SERPINF1: variants seen among roughly 807,000 people sequenced by gnomAD.
SERPINF1 encodes pigment epithelium-derived factor.
SERPINF1 carries 29 observed loss-of-function variants against 37.3 expected under a neutral mutation model. The ratio of observed to expected loss-of-function variants is 0.78; its 90% CI spans 0.58 to 1.06. The LOEUF (loss-of-function observed/expected upper bound fraction) is 1.06. SERPINF1 is among the 50% of genes least tolerant of loss of function. The pLI is 0.00. For missense variants in SERPINF1, 553 were observed against 532.2 expected (o/e 1.04, Z -0.38); for synonymous variants, 281 against 227.9 (o/e 1.23, Z -2.10).
chr17:1,765,972 G>T (rs1400700352), intron 1 of SERPINF1, among the ~76,000 whole-genome samples: 2 of 152,178 alleles, frequency 1.3e-5, no homozygotes, highest in African/African-American at 4.8e-5. Flanking sequence ...GGGAACTGTG[G>T]GAGAAGGGAA....
At chr17:1,766,625 CCT>C in intron 1 of SERPINF1, 1 of 323,330 alleles carries the variant, frequency 3.1e-6, no homozygotes, top group South Asian at 1.3e-4. Context: ...AGGAGGGTCC[CCT>C]GACGCAGACA....
chr17:1,768,928 C>T (rs925121561), intron 2 of SERPINF1, among the ~76,000 whole-genome samples: 2 of 152,000 alleles, frequency 1.3e-5, no homozygotes, highest in South Asian at 4.2e-4. Context: ...GCCTCAGCCT[C>T]CTGAGTAGCT....
intron 2 of SERPINF1, among the ~76,000 whole-genome samples, chr17:1,767,302 C>A (rs1034701321): frequency 2.6e-5 from 4 of 152,146 alleles, no homozygotes; most frequent in Admixed American, 6.6e-5. Flanking sequence ...ACCACCAAGC[C>A]CGGCTCATTT....
chr17:1,774,990 G>T, intron 5 of SERPINF1, 68 bp from the exon 6 acceptor site: 1 of 1,603,888 alleles, frequency 6.2e-7, no homozygotes, highest in African/African-American at 1.3e-5. Context: ...GTGCTCTGGG[G>T]ACACAGCATG....
chr17:1,766,779 G>A (rs1907404533), intron 1 of SERPINF1, 124 bp from the exon 2 acceptor site: 2 of 881,812 alleles, frequency 2.3e-6, no homozygotes, highest in East Asian at 5.3e-5. Context: ...GGTCGCTGCA[G>A]GGGGTGGGGG....
In SERPINF1 at chr17:1,777,231, G is replaced by A. The variant is rs1200013388; in HGVS notation, c.1042G>A (p.Gly348Ser). Residue 348 changes from glycine (G) to serine (S), a missense_variant, in exon 8 of 8, where the codon GGC (glycine) becomes AGC (serine). Physicochemically the swap from Gly to Ser is moderately conservative, Grantham distance 56 (BLOSUM62 0). Coordinates refer to ENST00000254722, the MANE Select transcript of SERPINF1 (RefSeq NM_002615.7). ...TTCACCAGACTTTAGCAAGATCACA[G>A]GCAAACCCATCAAGCTGACTCAGGT... ...FDSPDFSKITGKPIKLTQVEH... is the reference protein window; with the variant it reads ...FDSPDFSKITSKPIKLTQVEH... The A allele has an allele frequency of 2.5e-6, 4 of 1,614,016 alleles. No individual in the cohort carries two copies. The highest frequency in any genetic ancestry group is 3.4e-6 in the Non-Finnish European group (4 of 1,180,040).
chr17:1,776,474 T>C, intron 6 of SERPINF1, 58 bp from the exon 7 acceptor site: 1 of 1,534,268 alleles, frequency 6.5e-7, no homozygotes, highest in Non-Finnish European at 9.0e-7. Context: ...CCTGGCTGTG[T>C]CTGTCCCCGG....
intron 1 of SERPINF1, among the ~76,000 whole-genome samples, chr17:1,763,759 C>T (rs1907221432): frequency 2.0e-5 from 3 of 152,262 alleles, no homozygotes; most frequent in Non-Finnish European, 4.4e-5. Flanking sequence ...GGCTCCCTCA[C>T]CTCACCTCAG....
chr17:1,776,492 G>C (rs139903894), intron 6 of SERPINF1, 40 bp from the exon 7 acceptor site: 1 of 1,599,240 alleles, frequency 6.3e-7, no homozygotes, highest in Non-Finnish European at 8.6e-7. Context: ...CGGCTTTTGG[G>C]CTCTGAAGGA....
intron 4 of SERPINF1, chr17:1,771,659 A>G: frequency 1.6e-6 from 1 of 610,842 alleles, no homozygotes; most frequent in Non-Finnish European, 3.0e-6. Flanking sequence ...TGGGAGGGGC[A>G]GGGAGGGCAG....
chr17:1,766,459 G>A (rs1907371479), intron 1 of SERPINF1: 1 of 152,292 alleles, frequency 6.6e-6, no homozygotes, highest in African/African-American at 2.4e-5. Flanking sequence ...GGGAGGCTGA[G>A]GCGGGAGAAT....
rs146326833 is a variant in SERPINF1, at chr17:1,777,229, C to T, written c.1040C>T (p.Thr347Ile). The T allele has an allele frequency of 1.4e-5, 23 of 1,614,044 alleles. No homozygotes were observed. Among genetic ancestry groups the T allele is most frequent in the Non-Finnish European group, 1.9e-5 (23 of 1,180,050 alleles). ...LFDSPDFSKI[T>I]GKPIKLTQVE... ...GATTCACCAGACTTTAGCAAGATCACAGGCAAACCCATCAAGCTGACTCAG... is the reference window on the plus strand; with the variant it reads ...GATTCACCAGACTTTAGCAAGATCATAGGCAAACCCATCAAGCTGACTCAG... Residue 347 changes from threonine (T) to isoleucine (I), a missense_variant, in exon 8 of 8, where the codon ACA becomes ATA. Physicochemically the swap from Thr to Ile is moderately conservative, Grantham distance 89. Coordinates refer to ENST00000254722, the MANE Select transcript of SERPINF1 (RefSeq NM_002615.7).
intron 5 of SERPINF1, among the ~76,000 whole-genome samples, chr17:1,772,363 G>A (rs1260001329): frequency 1.3e-5 from 2 of 151,654 alleles, no homozygotes; most frequent in Admixed American, 6.6e-5. Context: ...TGGTCTGCCC[G>A]CCTCAGCCTC....
In SERPINF1 at chr17:1,776,606, C is replaced by T; in HGVS notation, c.861C>T (p.Thr287=). 1.9e-6 allele frequency: 3 copies of T among 1,614,032 alleles called. No homozygotes were observed. Among genetic ancestry groups the T allele is most frequent in the Non-Finnish European group, 2.5e-6 (3 of 1,180,026 alleles). Residue 287 remains threonine (T), a synonymous_variant, in exon 7 of 8, where the codon ACC becomes ACT. Transcript: ENST00000254722. Reference sequence around the variant, plus strand: ...CCCTGAAAGTGACCCAGAATTTGACCTTGATAGAGGAGAGCCTCACCTCCG... The same window carrying T: ...CCCTGAAAGTGACCCAGAATTTGACTTTGATAGAGGAGAGCCTCACCTCCG... The part of the protein sequence containing the change: ...FLPLKVTQNL[T]LIEESLTSEF...
At chr17:1,767,702 G>C (rs1009755166) in intron 2 of SERPINF1, among the ~76,000 whole-genome samples, 4 of 152,234 alleles carry the variant, frequency 2.6e-5, no homozygotes, top group Non-Finnish European at 5.9e-5. Flanking sequence ...GCATCTTGGC[G>C]AGAGCCCTGG....
intron 2 of SERPINF1, among the ~76,000 whole-genome samples, chr17:1,767,515 G>A (rs6502953): frequency 0.32 from 47,995 of 152,114 alleles, 8,527 homozygotes; most frequent in South Asian, 0.52. Flanking sequence ...ACATTTGTTC[G>A]GATACTGACC....
At chr17:1,763,927 C>T (rs866684795) in intron 1 of SERPINF1, among the ~76,000 whole-genome samples, 1 of 152,244 alleles carries the variant, frequency 6.6e-6, no homozygotes, top group Non-Finnish European at 1.5e-5. Flanking sequence ...TGGTGGCTCA[C>T]GCCTGTACTC....
chr17:1,777,251 T>C lies in SERPINF1; in HGVS notation c.1062T>C (p.Thr354=), dbSNP rs1270004032. The C allele has an allele frequency of 1.2e-6, 2 of 1,614,112 alleles. No individual in the cohort carries two copies. Among genetic ancestry groups the C allele is most frequent in the East Asian group, 2.2e-5 (1 of 44,858 alleles). ...TCACAGGCAAACCCATCAAGCTGAC[T>C]CAGGTGGAACACCGGGCTGGCTTTG... The part of the protein sequence containing the change: ...SKITGKPIKL[T]QVEHRAGFEW... The change falls in exon 8 of 8, where the codon ACT becomes ACC. Residue 354 remains threonine (T), a synonymous_variant. Transcript: ENST00000254722.
At position 1,775,472 on chromosome 17, in the gene SERPINF1, T is replaced by C. The variant is rs545665458; in HGVS notation, c.786+272T>C. 2.0e-5 allele frequency among the ~76,000 whole-genome samples: 3 copies of C among 152,220 alleles called. No individual in the cohort carries two copies. In the East Asian group the frequency reaches 5.8e-4, roughly 29 times the overall value. On this transcript the variant is annotated intron_variant, in intron 6 of 7. Transcript: ENST00000254722. The stretch of plus-strand genomic sequence containing the variant: ...CTCAGACTGGGCACCCACATGTTTG[T>C]TCTCTTGAGACTCCTATTTCTAGAA...
Sources: allele counts gnomAD v4.1 joint callset (sites outside exome capture counted in the v4.1 genomes callset), GRCh38; gene constraint gnomAD v4.1.1; transcripts MANE v1.5; gene names NCBI Gene and HGNC (gene_info 2026-07-23, HGNC 2026-07-21).